XRCC4: variants seen among roughly 807,000 people sequenced by gnomAD.
XRCC4 encodes the protein DNA repair protein XRCC4.
A neutral mutation model predicts 39.1 loss-of-function variants in XRCC4; 28 were observed. That is an observed-to-expected ratio of 0.72 (90% CI 0.53 to 0.98). The LOEUF (loss-of-function observed/expected upper bound fraction) is 0.98. Among genes scored for constraint, XRCC4 ranks in the 50% least tolerant of loss-of-function variants. The pLI is 0.00. For synonymous variants in XRCC4, 123 were observed against 126.4 expected (o/e 0.97, Z 0.18); for missense variants, 350 against 376.4 (o/e 0.93, Z 0.58).
chr5:83,178,341 G>A (rs943109904), intron 3 of XRCC4, among the ~76,000 whole-genome samples: 5 of 152,150 alleles, frequency 3.3e-5, no homozygotes, highest in African/African-American at 1.2e-4. Flanking sequence ...TCAGCATATT[G>A]TTGGTGGGTG....
intron 1 of XRCC4, among the ~76,000 whole-genome samples, chr5:83,085,963 C>T (rs1167986889): frequency 6.6e-6 from 1 of 152,138 alleles, no homozygotes; most frequent in Non-Finnish European, 1.5e-5. Flanking sequence ...GTCATTAGAA[C>T]CACACAATCT....
intron 7 of XRCC4, among the ~76,000 whole-genome samples, chr5:83,314,450 A>G (rs1380017385): frequency 6.6e-6 from 1 of 152,190 alleles, no homozygotes; most frequent in Non-Finnish European, 1.5e-5. Context: ...AATGATATAC[A>G]TGATAACAGC....
intron 7 of XRCC4, among the ~76,000 whole-genome samples, chr5:83,283,082 A>AT (rs1754606660): frequency 6.6e-6 from 1 of 151,936 alleles, no homozygotes; most frequent in Non-Finnish European, 1.5e-5. Flanking sequence ...TTGCAAAAAA[A>AT]CAAAAAAGGA....
At chr5:83,307,756 G>T (rs944250979) in intron 7 of XRCC4, among the ~76,000 whole-genome samples, 29 of 152,292 alleles carry the variant, frequency 1.9e-4, no homozygotes, top group African/African-American at 7.0e-4. Flanking sequence ...GTACTGGGAA[G>T]GTTGAGAGAG....
At chr5:83,209,561 G>A (rs544051882) in intron 6 of XRCC4, among the ~76,000 whole-genome samples, 2 of 152,146 alleles carry the variant, frequency 1.3e-5, no homozygotes, top group South Asian at 4.1e-4. Context: ...CAAATATTTA[G>A]TGGAAAATTT....
chr5:83,110,768 C>T (rs41271131), intron 2 of XRCC4, among the ~76,000 whole-genome samples: 6 of 152,092 alleles, frequency 3.9e-5, no homozygotes, highest in South Asian at 2.1e-4. Context: ...ATTTACAATG[C>T]GTTTCATCTG....
At chr5:83,258,296 G>T (rs1753623551) in intron 6 of XRCC4, among the ~76,000 whole-genome samples, 1 of 152,042 alleles carries the variant, frequency 6.6e-6, no homozygotes, top group African/African-American at 2.4e-5. Flanking sequence ...CAGCATCAAA[G>T]ATCATTTTGA....
chr5:83,148,111 C>A (rs980612566), intron 3 of XRCC4, among the ~76,000 whole-genome samples: 1 of 152,092 alleles, frequency 6.6e-6, no homozygotes, highest in African/African-American at 2.4e-5. Context: ...AATTCATCAA[C>A]TTTAATCAGT....
chr5:83,219,971 TA>T (rs1752018107), intron 6 of XRCC4, among the ~76,000 whole-genome samples: 1 of 152,160 alleles, frequency 6.6e-6, no homozygotes, highest in Non-Finnish European at 1.5e-5. Flanking sequence ...GGTTCTAGAA[TA>T]GATTTATATT....
At chr5:83,234,365 TTTAC>T (rs1340029152) in intron 6 of XRCC4, among the ~76,000 whole-genome samples, 2 of 152,202 alleles carry the variant, frequency 1.3e-5, no homozygotes, top group Non-Finnish European at 2.9e-5. Flanking sequence ...TTCTTATTTA[TTTAC>T]TTATTTATTC....
intron 7 of XRCC4, among the ~76,000 whole-genome samples, chr5:83,309,296 A>AAAAAAAATATATATAT (rs1561467702): frequency 4.2e-5 from 3 of 72,226 alleles, no homozygotes; most frequent in Non-Finnish European, 6.2e-5. Context: ...AAAAAAAAAA[A>AAAAAAAATATATATAT]ATATATATAT....
chr5:83,372,616 C>CT, the XRCC4 span, among the ~76,000 whole-genome samples: 6 of 152,188 alleles, frequency 3.9e-5, no homozygotes, highest in Admixed American at 1.3e-4. Context: ...TTTAAACTGT[C>CT]TGTAGTTGAG....
At chr5:83,270,760 A>G (rs921463493) in intron 7 of XRCC4, among the ~76,000 whole-genome samples, 2 of 131,204 alleles carry the variant, frequency 1.5e-5, no homozygotes, top group Non-Finnish European at 3.0e-5. Flanking sequence ...CATTTTTTCG[A>G]AAAAAAAAAT....
At chr5:83,221,910 A>G (rs1238849508) in intron 6 of XRCC4, among the ~76,000 whole-genome samples, 2 of 151,854 alleles carry the variant, frequency 1.3e-5, no homozygotes, top group Non-Finnish European at 2.9e-5. Context: ...TGACTTTTTT[A>G]TAGTTATGAA....
rs148547704 is a variant in XRCC4 at position 83,137,775 on chromosome 5, A to G, written c.315+26572A>G. 6.1e-3 allele frequency among the ~76,000 whole-genome samples: 930 copies of G among 152,202 alleles called. 4 individuals carry two copies. Among genetic ancestry groups the G allele is most frequent in the Non-Finnish European group, 9.6e-3 (655 of 67,976 alleles). On this transcript the variant is annotated intron_variant, in intron 3 of 7. Coordinates refer to ENST00000396027, the MANE Select transcript of XRCC4 (RefSeq NM_003401.5). Reference sequence around the variant, plus strand: ...TGTGTGTATGTGTGTTTATTCTAGGACAGTTCTTTCTTGTAACAGATCCTT... The same window carrying G: ...TGTGTGTATGTGTGTTTATTCTAGGGCAGTTCTTTCTTGTAACAGATCCTT...
chr5:83,110,487 A>G (rs1220105567), intron 2 of XRCC4, among the ~76,000 whole-genome samples: 1 of 152,000 alleles, frequency 6.6e-6, no homozygotes, highest in East Asian at 1.9e-4. Context: ...GTTGCAGAGG[A>G]GATGCTCGTA....
Position 83,134,652 on chromosome 5 carries a change from A to G in XRCC4, c.315+23449A>G, listed in dbSNP as rs7733019. Among the ~76,000 whole-genome samples the G allele has an allele frequency of 8.4e-3, 1,281 of 152,310 alleles. 16 individuals are homozygous for G. The highest frequency in any genetic ancestry group is 0.03 in the African/African-American group (1,232 of 41,556). ...TCAGGGTGGGGCCAGATAAGGGAAT[A>G]AACGCAGGCAACCTGAGCCAGCAGC... On this transcript the variant is annotated intron_variant, in intron 3 of 7. Transcript: ENST00000396027.
At chr5:83,083,115 C>T (rs1313339188) in intron 1 of XRCC4, among the ~76,000 whole-genome samples, 3 of 152,114 alleles carry the variant, frequency 2.0e-5, no homozygotes, top group Non-Finnish European at 1.5e-5. Context: ...ACTTCCATAG[C>T]CCCTACCCCT....
At chr5:83,082,636 G>A (rs1206541148) in intron 1 of XRCC4, among the ~76,000 whole-genome samples, 4 of 152,116 alleles carry the variant, frequency 2.6e-5, no homozygotes, top group African/African-American at 9.7e-5. Flanking sequence ...CATCAGTCTT[G>A]TCCAACTTAC....
Sources: gnomAD v4.1 joint callset for allele counts (sites outside exome capture counted in the v4.1 genomes callset) on GRCh38, gnomAD v4.1.1 for gene constraint, MANE v1.5 for transcripts, NCBI Gene and HGNC (gene_info 2026-07-23, HGNC 2026-07-21) for gene names.